MFSD12: variants seen among roughly 807,000 people sequenced by gnomAD.
The protein encoded by MFSD12 is major facilitator superfamily domain-containing protein 12.
A neutral mutation model predicts 51.2 loss-of-function variants in MFSD12; 67 were observed. That is an observed-to-expected ratio of 1.31 (90% CI 1.08 to 1.60). The LOEUF is 1.60. MFSD12 is among the 40% of genes most tolerant of loss of function. The pLI is 0.00. For missense variants in MFSD12, 921 were observed against 673.0 expected (o/e 1.37, Z -4.08); for synonymous variants, 441 against 316.7 (o/e 1.39, Z -4.17).
chr19:3,547,759 T>C (rs920227907), intron 4 of MFSD12, 89 bp downstream of exon 4: 7 of 1,407,426 alleles, frequency 5.0e-6, no homozygotes, highest in Non-Finnish European at 5.6e-6. Context: ...CCACGTGTGC[T>C]CTGCGTCTGG....
At chr19:3,553,203 G>A (rs750531043) in intron 1 of MFSD12, among the ~76,000 whole-genome samples, 12 of 152,230 alleles carry the variant, frequency 7.9e-5, no homozygotes, top group Admixed American at 2.6e-4. Flanking sequence ...CTTCCTGGCT[G>A]GACTCCCTGT....
Position 3,556,293 on chromosome 19 carries a change from C to T in MFSD12, c.298+813G>A, listed in dbSNP as rs557696045. 4.6e-5 allele frequency among the ~76,000 whole-genome samples: 7 copies of T among 152,344 alleles called. No homozygotes were observed. The East Asian group carries it at 7.7e-4, about 17-fold the overall frequency. On this transcript the variant is annotated intron_variant, in intron 1 of 9. Coordinates refer to ENST00000355415, the MANE Select transcript of MFSD12 (RefSeq NM_174983.5). ...AGGCTAGACAGACTGACAAAGGAGG[C>T]GCTGAGCAGTCACCACCAACCCTCC...
chr19:3,538,639 C>G, exon 5 of MFSD12: 1 of 229,250 alleles, frequency 4.4e-6, no homozygotes, highest in Non-Finnish European at 7.3e-6. Context: ...GGCTGAGTCT[C>G]GTTCCAGCAC....
rs771510635 is a variant in MFSD12 at position 3,544,819 on chromosome 19, G to A, written c.1410C>T (p.Arg470=). The change falls in exon 9 of 10, where the codon CGC becomes CGT. Residue 470 remains arginine, a synonymous_variant. Transcript: ENST00000355415. ...CLCSLLLWPT[R]LRRWDRDARP ...TGGGCCAGGACTCACAGCGTCGCAG[G>A]CGGGTCGGCCACAGCAGGAGGCTAC... 8 of 1,612,360 alleles carry A rather than the reference G, an allele frequency of 5.0e-6. No homozygotes were observed. The East Asian group carries it at 1.3e-4, about 27-fold the overall frequency.
rs761398047 is a variant in MFSD12, at chr19:3,546,089, C to A, written c.1274G>T (p.Ser425Ile). 1 of 1,613,300 alleles carries A rather than the reference C, an allele frequency of 6.2e-7. No individual in the cohort carries two copies. The highest frequency in any genetic ancestry group is 1.3e-5 in the African/African-American group (1 of 74,952). The part of the protein sequence containing the change: ...ANGLAVMAIQ[S>I]LHPCPSELCC... ...CGGCACTCACGGGCAAGGGTGCAGG[C>A]TCTGGATGGCCATGACTGCCAGCCC... The change falls in exon 8 of 10, where the codon AGC becomes ATC. Residue 425 changes from serine (S) to isoleucine (I), a missense_variant. Transcript: ENST00000355415.
chr19:3,556,341 G>A (rs1183479389), intron 1 of MFSD12, among the ~76,000 whole-genome samples: 2 of 152,212 alleles, frequency 1.3e-5, no homozygotes, highest in Non-Finnish European at 2.9e-5. Context: ...GTGGCCCGGG[G>A]GCTCAGACAA....
Position 3,550,109 on chromosome 19 carries a change from G to A in MFSD12, c.509+875C>T, listed in dbSNP as rs151049819. Among the ~76,000 whole-genome samples the A allele has an allele frequency of 4.4e-4, 67 of 152,262 alleles. No homozygotes were observed. In the East Asian group the frequency reaches 0.012, roughly 27 times the overall value. ...TTCTGCCACCAACCACGTGAGCATA[G>A]AGGAGGGACCGCCCCCAGCCTTCCA... On this transcript the variant is annotated intron_variant, in intron 2 of 9. Transcript: ENST00000355415.
chr19:3,544,643 A>G lies in MFSD12; in HGVS notation c.*67T>C, dbSNP rs1170858921. ...GAGGGGCAGTGGGGGCTTTTCCCCA[A>G]GGCCCTGGGGGGCATCCTCGTGCGT... is the stretch of plus-strand genomic sequence containing the variant. On this transcript the variant is annotated 3_prime_UTR_variant, in exon 10 of 10. Coordinates refer to ENST00000355415, the MANE Select transcript of MFSD12 (RefSeq NM_174983.5). 2.0e-5 allele frequency: 30 copies of G among 1,528,650 alleles called. No homozygotes were observed. Among genetic ancestry groups the G allele is most frequent in the Non-Finnish European group, 2.6e-5 (29 of 1,134,946 alleles). The allele number at this position is 1,528,650 out of a possible 1,614,324, so 94.7% of individuals were successfully genotyped here.
chr19:3,544,217 T>G lies in MFSD12; in HGVS notation c.*493A>C. The G allele has an allele frequency of 1.5e-6, 2 of 1,331,188 alleles. No individual in the cohort carries two copies. Among genetic ancestry groups the G allele is most frequent in the Non-Finnish European group, 1.9e-6 (2 of 1,041,370 alleles). 82.5% of individuals were successfully genotyped at this position (1,331,188 alleles called of 1,614,324 possible). On this transcript the variant is annotated 3_prime_UTR_variant, in exon 10 of 10. Coordinates refer to ENST00000355415, the MANE Select transcript of MFSD12 (RefSeq NM_174983.5). The stretch of plus-strand genomic sequence containing the variant: ...GCCAGGCTGCCGTCATCTCTTTATT[T>G]GCTGCCAGCAGAGTCCACCAAGCCT...
chr19:3,547,117 C>T (rs1014784074), intron 6 of MFSD12, among the ~76,000 whole-genome samples, 155 bp downstream of exon 6: 8 of 152,174 alleles, frequency 5.3e-5, no homozygotes, highest in African/African-American at 1.2e-4. Flanking sequence ...GGATTACAGG[C>T]GTGAGCCACC....
intron 1 of MFSD12, among the ~76,000 whole-genome samples, chr19:3,553,421 C>T (rs894743774): frequency 6.8e-6 from 1 of 147,886 alleles, no homozygotes. Context: ...TGCAGTGAGT[C>T]GTGATCGTGC....
downstream of MFSD12, chr19:3,544,139 G>C (rs2030725923): frequency 7.1e-7 from 1 of 1,411,744 alleles, no homozygotes; most frequent in Admixed American, 3.1e-5. Flanking sequence ...ACCAGGGCAG[G>C]GCTGAGATGC....
At chr19:3,538,970 A>G (rs2030125265) in intron 4 of MFSD12, 1 of 635,364 alleles carries the variant, frequency 1.6e-6, no homozygotes. Flanking sequence ...CCCACCTGGC[A>G]GTGGCCCTGG....
rs368063455 is a variant in MFSD12, at chr19:3,544,675, A to G, written c.*35T>C. 21 of 1,572,118 alleles carry G rather than the reference A, an allele frequency of 1.3e-5. No individual in the cohort carries two copies. The African/African-American group carries it at 1.3e-4, about 10-fold the overall frequency. On this transcript the variant is annotated 3_prime_UTR_variant, in exon 10 of 10. Coordinates refer to ENST00000355415, the MANE Select transcript of MFSD12 (RefSeq NM_174983.5). ...GGGGGGCATCCTCGTGCGTCCCCAC[A>G]GTTCCCTTGCACAGGTGCAGGAGGC...
At position 3,546,173 on chromosome 19, in the gene MFSD12, G is replaced by A. The variant is rs2031020167; in HGVS notation, c.1195-5C>T. 2 of 1,612,568 alleles carry A rather than the reference G, an allele frequency of 1.2e-6. No homozygotes were observed. The highest frequency in any genetic ancestry group is 1.7e-6 in the Non-Finnish European group (2 of 1,179,562). ...GTACACGAACGCTCCGCTGTTCTGT[G>A]GAGACACAGGCGAGGTGGTCAGCGT... On this transcript the variant is annotated splice_region_variant and splice_polypyrimidine_tract_variant and intron_variant, in intron 7 of 9. Transcript: ENST00000355415.
rs759150858 is a variant in MFSD12, at chr19:3,547,973, C to T, written c.712G>A (p.Gly238Ser). Residue 238 changes from glycine (G) to serine (S), a missense_variant, in exon 4 of 10, where the codon GGC (glycine) becomes AGC (serine). By Grantham distance (56) the Gly-to-Ser change is moderately conservative. Coordinates refer to ENST00000355415, the MANE Select transcript of MFSD12 (RefSeq NM_174983.5). Reference sequence around the variant, plus strand: ...TGCGGCCGGCGCCTCTCCCGGGTGCCCAGGTGGAATAGCAGTGAGAACACG... The same window carrying T: ...TGCGGCCGGCGCCTCTCCCGGGTGCTCAGGTGGAATAGCAGTGAGAACACG... The part of the protein sequence containing the change: ...GAVFSLLFHL[G>S]TRERRRPHAE... 10 of 1,597,934 alleles carry T rather than the reference C, an allele frequency of 6.3e-6. No individual in the cohort carries two copies. In the Admixed American group the frequency reaches 1.2e-4, roughly 19 times the overall value.
At chr19:3,543,268 G>A, downstream of MFSD12, 1 of 1,547,144 alleles carries the variant, frequency 6.5e-7, no homozygotes, top group South Asian at 1.2e-5. Context: ...GTTCCCGCTG[G>A]CCACCAGCCA....
chr19:3,548,654 C>T (rs2031270689), intron 2 of MFSD12, among the ~76,000 whole-genome samples: 2 of 152,012 alleles, frequency 1.3e-5, no homozygotes, highest in African/African-American at 4.8e-5. Context: ...CCAGGCCAGC[C>T]CCTGCCCACA....
At chr19:3,549,329 T>C (rs2031319430) in intron 2 of MFSD12, among the ~76,000 whole-genome samples, 1 of 152,304 alleles carries the variant, frequency 6.6e-6, no homozygotes, top group Middle Eastern at 3.4e-3. Flanking sequence ...TGGATGTTAC[T>C]CCCAGGATGT....
Sources: allele counts gnomAD v4.1 joint callset (sites outside exome capture counted in the v4.1 genomes callset), GRCh38; gene constraint gnomAD v4.1.1; transcripts MANE v1.5; gene names NCBI Gene and HGNC (gene_info 2026-07-23, HGNC 2026-07-21).